Variants in UBTF observed in about 807,000 individuals in gnomAD.
UBTF encodes upstream binding transcription factor.
UBTF carries 8 observed loss-of-function variants against 112.3 expected under a neutral mutation model. The ratio of observed to expected loss-of-function variants is 0.07; its 90% CI spans 0.04 to 0.13. The LOEUF is 0.13. UBTF is among the 10% of genes least tolerant of loss of function. The probability of loss-of-function intolerance (pLI) is 1.00; values close to 1 mark genes in which losing one functional copy is unlikely to be tolerated. For missense variants in UBTF, 457 were observed against 982.1 expected, an observed-to-expected ratio of 0.47 and a Z score of 7.15; for synonymous variants, 417 against 373.1, an observed-to-expected ratio of 1.12 and a Z score of -1.36.
At chr17:44,218,763 C>G (rs939428966) in intron 1 of UBTF, among the ~76,000 whole-genome samples, 3 of 151,404 alleles carry the variant, frequency 2.0e-5, no homozygotes, top group East Asian at 1.9e-4. Flanking sequence ...CGGTTCCCCC[C>G]GCCTCCGCAA....
At position 44,211,467 on chromosome 17, in the gene UBTF, T is replaced by C; in HGVS notation, c.1048-136A>G. 1 of 1,559,858 alleles carries C rather than the reference T, an allele frequency of 6.4e-7. No individual in the cohort carries two copies. Among genetic ancestry groups the C allele is most frequent in the Non-Finnish European group, 8.8e-7 (1 of 1,142,256 alleles). ...GGACTCCCTGCCTGGACGGGCTCAG[T>C]TGCTAAGCCCAGCCCAGCCCCACAC... On this transcript the variant is annotated intron_variant, in intron 10 of 20. Coordinates refer to ENST00000436088, the MANE Select transcript of UBTF (RefSeq NM_014233.4). The surrounding 1 kb of genome is among the most constrained non-coding windows in gnomAD (Gnocchi z 4.9).
At position 44,210,241 on chromosome 17, in the gene UBTF, A is replaced by C; in HGVS notation, c.1516-7T>G. The C allele has an allele frequency of 3.1e-6, 5 of 1,614,088 alleles. No homozygotes were observed. Among genetic ancestry groups the C allele is most frequent in the Non-Finnish European group, 4.2e-6 (5 of 1,179,998 alleles). ...AGGCCTTCACCCGGTCATTCTGGGG[A>C]CCAATAAGGGTATCAGCCGTGGGAG... On this transcript the variant is annotated splice_polypyrimidine_tract_variant and splice_region_variant and intron_variant, in intron 14 of 20. Coordinates refer to ENST00000436088, the MANE Select transcript of UBTF (RefSeq NM_014233.4).
chr17:44,207,179 G>T lies in UBTF; in HGVS notation c.*63C>A, dbSNP rs2056296282. The T allele has an allele frequency of 1.2e-5, 19 of 1,588,236 alleles. No individual in the cohort carries two copies. The highest frequency in any genetic ancestry group is 1.6e-5 in the Non-Finnish European group (19 of 1,160,356). ...GGACAGAACATGGGGGAGAAACAAAGGTGGTCAGTTGGGGAGGGGAGCTCC... is the reference window on the plus strand; with the variant it reads ...GGACAGAACATGGGGGAGAAACAAATGTGGTCAGTTGGGGAGGGGAGCTCC... On this transcript the variant is annotated 3_prime_UTR_variant, in exon 21 of 21. Coordinates refer to ENST00000436088, the MANE Select transcript of UBTF (RefSeq NM_014233.4).
intron 13 of UBTF, 58 bp from the exon 14 acceptor site, chr17:44,210,531 C>A (rs1050661357): frequency 2.0e-6 from 3 of 1,494,208 alleles, no homozygotes; most frequent in Non-Finnish European, 2.6e-6. Flanking sequence ...GCGCGCTCCC[C>A]GCGCAGCAGC....
intron 13 of UBTF, 47 bp from the exon 14 acceptor site, chr17:44,210,520 C>G (rs759079336): frequency 1.4e-5 from 21 of 1,513,458 alleles, no homozygotes; most frequent in African/African-American, 2.8e-5. Context: ...CCCCAGGGGG[C>G]GCGCGCTCCC....
At chr17:44,220,311 C>G (rs2047122164), upstream of UBTF, among the ~76,000 whole-genome samples, 1 of 151,876 alleles carries the variant, frequency 6.6e-6, no homozygotes, top group Non-Finnish European at 1.5e-5. Flanking sequence ...CTCCGGAGCT[C>G]TCCCCCAAGT....
Position 44,210,857 on chromosome 17 carries a change from G to A in UBTF, c.1294C>T (p.Leu432Phe). 6.3e-7 allele frequency: 1 copy of A among 1,575,582 alleles called. No individual in the cohort carries two copies. Among genetic ancestry groups the A allele is most frequent in the Non-Finnish European group, 8.6e-7 (1 of 1,160,606 alleles). Reference sequence around the variant, plus strand: ...AGGCGGGTCAGCTCGCTCTCGGAGAGCTCAGGCCGCTCCTCCTGCAGCTGC... The same window carrying A: ...AGGCGGGTCAGCTCGCTCTCGGAGAACTCAGGCCGCTCCTCCTGCAGCTGC... Reference protein sequence around the residue: ...RRQLQEERPELSESELTRLLA... With the variant: ...RRQLQEERPEFSESELTRLLA... Residue 432 changes from leucine (L) to phenylalanine (F), a missense_variant, in exon 13 of 21, where the codon CTC becomes TTC. Coordinates refer to ENST00000436088, the MANE Select transcript of UBTF (RefSeq NM_014233.4).
intron 5 of UBTF, 96 bp from the exon 6 acceptor site, chr17:44,213,378 C>A: frequency 7.4e-7 from 1 of 1,344,944 alleles, no homozygotes; most frequent in Non-Finnish European, 1.0e-6. Context: ...GCTCTTCTGC[C>A]TCCCACGCTG....
At position 44,212,363 on chromosome 17, in the gene UBTF, T is replaced by A; in HGVS notation, c.752A>T (p.Glu251Val). ...CCTAACCTCGTACTCCTTCCGCTGC[T>A]CCAGGGCCTTATGAATCCATTTCAG... ...KRLKWIHKAL[E>V]QRKEYEEIMR... Residue 251 changes from glutamate to valine, a missense_variant, in exon 8 of 21, where the codon GAG becomes GTG. Transcript: ENST00000436088. 1 of 1,613,246 alleles carries A rather than the reference T, an allele frequency of 6.2e-7. No homozygotes were observed. Among genetic ancestry groups the A allele is most frequent in the Non-Finnish European group, 8.5e-7 (1 of 1,179,910 alleles).
upstream of UBTF, among the ~76,000 whole-genome samples, chr17:44,220,486 G>A (rs2144566587): frequency 6.7e-6 from 1 of 149,640 alleles, no homozygotes; most frequent in East Asian, 2.0e-4. Flanking sequence ...TCTCCTTGCC[G>A]AACGGCACAT....
rs2056178797 is a variant in UBTF at position 44,205,106 on chromosome 17, C to CA, written c.*2135dup. ...TTCCACAGTTGGCTTTAAGCATAGG[C>CA]AGACACCTCTAAGCCACTCCCTCCC... On this transcript the variant is annotated 3_prime_UTR_variant, in exon 21 of 21. Coordinates refer to ENST00000436088, the MANE Select transcript of UBTF (RefSeq NM_014233.4). 6.6e-6 allele frequency: 1 copy of CA among 152,630 alleles called. No homozygotes were observed. The highest frequency in any genetic ancestry group is 2.4e-5 in the African/African-American group (1 of 41,438). The allele number at this position is 152,630 out of a possible 1,614,324, so 9.5% of individuals were successfully genotyped here. A position where few individuals can be genotyped will look rare whatever the true frequency, so the allele number is the denominator to read the frequency against.
chr17:44,210,102 G>A (rs751883186), intron 15 of UBTF, 22 bp downstream of exon 15: 2 of 1,613,150 alleles, frequency 1.2e-6, no homozygotes, highest in Non-Finnish European at 1.7e-6. Context: ...AATGAATGGG[G>A]TGGCCCCAGC....
In UBTF at chr17:44,211,386, T is replaced by C. The variant is rs1363040892; in HGVS notation, c.1048-55A>G. 6.8e-6 allele frequency: 11 copies of C among 1,608,898 alleles called. No individual in the cohort carries two copies. Among genetic ancestry groups the C allele is most frequent in the Non-Finnish European group, 8.5e-6 (10 of 1,176,784 alleles). On this transcript the variant is annotated intron_variant, in intron 10 of 20. Coordinates refer to ENST00000436088, the MANE Select transcript of UBTF (RefSeq NM_014233.4). This position sits in a 1 kb window ranked among gnomAD's most constrained non-coding sequence, Gnocchi z 4.9. ...CTGGAGACAGTGTCACCACAGACCC[T>C]GCAGTACTCGGAGGACAGTGACCTT... is the stretch of plus-strand genomic sequence containing the variant.
chr17:44,209,298 G>A (rs959464836), intron 17 of UBTF, 54 bp downstream of exon 17: 1 of 1,529,074 alleles, frequency 6.5e-7, no homozygotes, highest in African/African-American at 1.4e-5. Context: ...CTAGGATGGT[G>A]CTGGCTTAGT....
intron 13 of UBTF, 91 bp downstream of exon 13, chr17:44,210,701 C>A: frequency 2.0e-6 from 3 of 1,502,412 alleles, no homozygotes; most frequent in Non-Finnish European, 2.7e-6. Flanking sequence ...GTGGCTCAGG[C>A]GGCCAGGGGC....
In UBTF at chr17:44,215,887, C is replaced by A. The variant is rs1315052453; in HGVS notation, c.318+19G>T. 2 of 1,613,924 alleles carry A rather than the reference C, an allele frequency of 1.2e-6. No individual in the cohort carries two copies. The highest frequency in any genetic ancestry group is 1.1e-5 in the South Asian group (1 of 91,068). On this transcript the variant is annotated intron_variant, in intron 4 of 20. Transcript: ENST00000436088. ...CCTTTCCTCCCATACCCCTCATGCT[C>A]CTCCTCCTAGTAACTCACCTTGAGT...
chr17:44,218,108 G>A, intron 2 of UBTF, 64 bp downstream of exon 2: 5 of 1,518,036 alleles, frequency 3.3e-6, no homozygotes, highest in Non-Finnish European at 4.6e-6. Flanking sequence ...AGAAGGGAGT[G>A]AGCCCCGCAG....
Position 44,207,498 on chromosome 17 carries a change from A to C in UBTF, c.2125T>G (p.Ser709Ala), listed in dbSNP as rs752816528. 2.5e-6 allele frequency: 4 copies of C among 1,613,822 alleles called. No individual in the cohort carries two copies. The Admixed American group carries it at 6.7e-5, about 27-fold the overall frequency. The change falls in exon 20 of 21, where the codon TCC becomes GCC. Residue 709 changes from serine to alanine, a missense_variant. By Grantham distance (99) the Ser-to-Ala change is moderately conservative. This residue lies in a region of UBTF where 139 missense variants were observed against 157.5 expected (regional missense o/e 0.88). Transcript: ENST00000436088. ...NGDSSEDGGD[S>A]SESSSEDESE... The stretch of plus-strand genomic sequence containing the variant: ...TCGTCCTCGCTGCTGGACTCAGAGG[A>C]GTCGCCGCCATCTTCAGAGGAGTCC...
intron 2 of UBTF, among the ~76,000 whole-genome samples, chr17:44,217,726 C>T (rs1394946342): frequency 2.0e-5 from 3 of 152,200 alleles, no homozygotes; most frequent in East Asian, 3.9e-4. Flanking sequence ...TAGTTGAGTA[C>T]ATATATCCCA....
Sources: allele counts gnomAD v4.1 joint callset (sites outside exome capture counted in the v4.1 genomes callset), GRCh38; gene constraint gnomAD v4.1.1; regional missense constraint gnomAD v4.1.1; non-coding constraint Gnocchi (gnomAD v3.1); transcripts MANE v1.5; gene names NCBI Gene and HGNC (gene_info 2026-07-23, HGNC 2026-07-21).